The following TIGAR variants were observed in gnomAD, a reference collection of about 807,000 sequenced individuals.
TIGAR encodes TP53 induced glycolysis regulatory phosphatase, also known as fructose-2,6-bisphosphatase TIGAR.
A neutral mutation model predicts 17.9 loss-of-function variants in TIGAR; 7 were observed. The ratio of observed to expected loss-of-function variants is 0.39; its 90% CI spans 0.22 to 0.73. TIGAR has a LOEUF of 0.73. TIGAR is among the 30% of genes least tolerant of loss of function. The pLI, the probability that TIGAR is intolerant of heterozygous loss-of-function variation, is 0.42. For synonymous variants in TIGAR, 94 were observed against 108.6 expected (o/e 0.87, Z 0.84); for missense variants, 258 against 327.4 (o/e 0.79, Z 1.64).
chr12:4,327,386 G>A (rs1864556244), intron 1 of TIGAR, among the ~76,000 whole-genome samples: 1 of 150,990 alleles, frequency 6.6e-6, no homozygotes, highest in South Asian at 2.1e-4. Flanking sequence ...TCCAGCCTGG[G>A]CTGCAGAGTG....
At position 4,321,282 on chromosome 12, in the gene TIGAR, T is replaced by A; in HGVS notation, c.11T>A (p.Phe4Tyr). Reference sequence around the variant, plus strand: ...CGCGGCTCCGGGAACATGGCTCGCTTCGCTCTGACTGTTGTCCGGCAGTGA... The same window carrying A: ...CGCGGCTCCGGGAACATGGCTCGCTACGCTCTGACTGTTGTCCGGCAGTGA... MAR[F>Y]ALTVVRHGET... is the part of the protein sequence containing the mutation. The change falls in exon 1 of 6, where the codon TTC (phenylalanine) becomes TAC (tyrosine). Residue 4 changes from phenylalanine (F) to tyrosine (Y), a missense_variant. Physicochemically the swap from Phe to Tyr is conservative, Grantham distance 22. Coordinates refer to ENST00000179259, the MANE Select transcript of TIGAR (RefSeq NM_020375.3). The surrounding 1 kb of genome is among the most constrained non-coding windows in gnomAD (Gnocchi z 5.2). The A allele has an allele frequency of 1.9e-6, 3 of 1,601,306 alleles. No homozygotes were observed. Among genetic ancestry groups the A allele is most frequent in the Non-Finnish European group, 2.5e-6 (3 of 1,179,806 alleles).
rs1411748531 is a variant in TIGAR, at chr12:4,353,428, C to G, written c.*737C>G. 1.3e-5 allele frequency: 2 copies of G among 152,246 alleles called. No homozygotes were observed. Among genetic ancestry groups the G allele is most frequent in the Non-Finnish European group, 2.9e-5 (2 of 68,060 alleles). The allele number at this position is 152,246 out of a possible 1,614,324, so 9.4% of individuals were successfully genotyped here. On this transcript the variant is annotated 3_prime_UTR_variant, in exon 6 of 6. Coordinates refer to ENST00000179259, the MANE Select transcript of TIGAR (RefSeq NM_020375.3). ...AAAAATGAAGAATATCCACTTGCTT[C>G]TTATCTAACCTGTAGGCTGAAGAAT...
chr12:4,355,198 A>C lies in TIGAR; in HGVS notation c.*2507A>C, dbSNP rs1864886074. Among the ~76,000 whole-genome samples the C allele has an allele frequency of 6.6e-6, 1 of 152,138 alleles. No individual in the cohort carries two copies. Among genetic ancestry groups the C allele is most frequent in the Non-Finnish European group, 1.5e-5 (1 of 68,028 alleles). The stretch of plus-strand genomic sequence containing the variant: ...AGAACTTCTGAATGTCAAATCTTGA[A>C]ATTGAAATTTGCTTTTTATAGTATA... On this transcript the variant is annotated 3_prime_UTR_variant, in exon 6 of 6. Coordinates refer to ENST00000179259, the MANE Select transcript of TIGAR (RefSeq NM_020375.3).
Position 4,352,756 on chromosome 12 carries a change from A to G in TIGAR, c.*65A>G. On this transcript the variant is annotated 3_prime_UTR_variant, in exon 6 of 6. Coordinates refer to ENST00000179259, the MANE Select transcript of TIGAR (RefSeq NM_020375.3). ...GAAGGGAGTGCCATTGGCTTTATTT[A>G]CTTCTCTCCTCTGCTAGTTCTGATT... 1 of 1,468,184 alleles carries G rather than the reference A, an allele frequency of 6.8e-7. No homozygotes were observed. Among genetic ancestry groups the G allele is most frequent in the Non-Finnish European group, 9.1e-7 (1 of 1,094,576 alleles). The allele number at this position is 1,468,184 out of a possible 1,614,324, so 90.9% of individuals were successfully genotyped here.
At position 4,344,589 on chromosome 12, in the gene TIGAR, G is replaced by A. The variant is rs149523612; in HGVS notation, c.193-5230G>A. 1.3e-3 allele frequency among the ~76,000 whole-genome samples: 204 copies of A among 152,214 alleles called. 2 individuals carry two copies. In the Middle Eastern group the frequency reaches 0.014, roughly 10 times the overall value. On this transcript the variant is annotated intron_variant, in intron 3 of 5. Coordinates refer to ENST00000179259, the MANE Select transcript of TIGAR (RefSeq NM_020375.3). ...GTTCAACATATGCAGATCAATAAAC[G>A]TAATCCAGCATATAAACAGAACCAA...
intron 3 of TIGAR, among the ~76,000 whole-genome samples, chr12:4,345,879 C>G (rs1341765016): frequency 6.6e-6 from 1 of 152,184 alleles, no homozygotes; most frequent in Non-Finnish European, 1.5e-5. Context: ...GGGCTTATAT[C>G]CAGAATCTAC....
At chr12:4,347,035 G>C (rs1864788694) in intron 3 of TIGAR, among the ~76,000 whole-genome samples, 1 of 152,186 alleles carries the variant, frequency 6.6e-6, no homozygotes, top group Non-Finnish European at 1.5e-5. Flanking sequence ...ATGTGATCCA[G>C]AAGTTCCACT....
Position 4,331,267 on chromosome 12 carries a change from C to T in TIGAR, c.33-13C>T. 1 of 1,606,012 alleles carries T rather than the reference C, an allele frequency of 6.2e-7. No individual in the cohort carries two copies. Among genetic ancestry groups the T allele is most frequent in the Non-Finnish European group, 8.5e-7 (1 of 1,172,726 alleles). ...ATTTGGCTAATAAGGTTGTCCTTCT[C>T]TTTCTATTTTAGTGGAGAAACAAGA... On this transcript the variant is annotated splice_polypyrimidine_tract_variant and intron_variant, in intron 1 of 5. Coordinates refer to ENST00000179259, the MANE Select transcript of TIGAR (RefSeq NM_020375.3).
At chr12:4,340,588 C>A (rs1378924486) in intron 3 of TIGAR, among the ~76,000 whole-genome samples, 1 of 152,170 alleles carries the variant, frequency 6.6e-6, no homozygotes, top group Non-Finnish European at 1.5e-5. Flanking sequence ...CCCAGAATGG[C>A]CAAAGCCATC....
chr12:4,324,003 C>A (rs1864508674), intron 1 of TIGAR, among the ~76,000 whole-genome samples: 1 of 152,186 alleles, frequency 6.6e-6, no homozygotes, highest in Non-Finnish European at 1.5e-5. Context: ...GCAAAAAAAT[C>A]TTTAAAGCAA....
chr12:4,325,414 A>G (rs1437317032), intron 1 of TIGAR, among the ~76,000 whole-genome samples: 1 of 152,166 alleles, frequency 6.6e-6, no homozygotes, highest in African/African-American at 2.4e-5. Context: ...TAAAATTTTA[A>G]TGCTCTATAA....
chr12:4,331,166 A>C, intron 1 of TIGAR, 114 bp from the exon 2 acceptor site: 1 of 901,402 alleles, frequency 1.1e-6, no homozygotes, highest in South Asian at 1.4e-5. Context: ...GAAGTGTGTT[A>C]CAAGTTTCAC....
intron 3 of TIGAR, 79 bp from the exon 4 acceptor site, chr12:4,349,740 A>T: frequency 8.3e-7 from 1 of 1,203,084 alleles, no homozygotes; most frequent in Non-Finnish European, 1.2e-6. Flanking sequence ...ATTCACTAAG[A>T]TGACATAGAT....
chr12:4,350,397 T>C (rs1450991079), intron 4 of TIGAR, among the ~76,000 whole-genome samples: 1 of 152,224 alleles, frequency 6.6e-6, no homozygotes, highest in African/African-American at 2.4e-5. Context: ...TATAGTCCCA[T>C]GAATGACCTA....
At chr12:4,350,810 C>T (rs545285017) in intron 4 of TIGAR, among the ~76,000 whole-genome samples, 1 of 151,578 alleles carries the variant, frequency 6.6e-6, no homozygotes, top group East Asian at 1.9e-4. Context: ...AGAAATAGAT[C>T]TCTCATGTTA....
At chr12:4,343,629 A>G (rs867110200) in intron 3 of TIGAR, among the ~76,000 whole-genome samples, 16 of 152,362 alleles carry the variant, frequency 1.1e-4, no homozygotes, top group Admixed American at 1.3e-4. Flanking sequence ...CTGAATGACT[A>G]CTGGGTACAT....
intron 2 of TIGAR, 28 bp downstream of exon 2, chr12:4,331,345 C>G: frequency 6.2e-7 from 1 of 1,600,578 alleles, no homozygotes; most frequent in Non-Finnish European, 8.6e-7. Context: ...GTTATTTTAG[C>G]TCTCACCCTT....
At chr12:4,346,401 T>C (rs973847271) in intron 3 of TIGAR, among the ~76,000 whole-genome samples, 1 of 152,154 alleles carries the variant, frequency 6.6e-6, no homozygotes, top group African/African-American at 2.4e-5. Flanking sequence ...GTGGCACATA[T>C]ACACCATGGA....
rs895439781 is a variant in TIGAR at position 4,354,158 on chromosome 12, G to T, written c.*1467G>T. 1 of 152,254 alleles carries T rather than the reference G, an allele frequency of 6.6e-6. No individual in the cohort carries two copies. Among genetic ancestry groups the T allele is most frequent in the Admixed American group, 6.5e-5 (1 of 15,280 alleles). 9.4% of individuals were successfully genotyped at this position (152,254 alleles called of 1,614,324 possible). A position where few individuals can be genotyped will look rare whatever the true frequency, so the allele number is the denominator to read the frequency against. ...GTCACATATAGTCAAAATTTACTTT[G>T]ACATCATTTTAAATCATATGTAAAA... On this transcript the variant is annotated 3_prime_UTR_variant, in exon 6 of 6. Transcript: ENST00000179259.
Sources: allele counts gnomAD v4.1 joint callset (sites outside exome capture counted in the v4.1 genomes callset), GRCh38; gene constraint gnomAD v4.1.1; non-coding constraint Gnocchi (gnomAD v3.1); transcripts MANE v1.5; gene names NCBI Gene and HGNC (gene_info 2026-07-23, HGNC 2026-07-21).